The following NAA38 variants were observed in gnomAD, a reference collection of about 807,000 sequenced individuals.
NAA38 encodes the protein LSM domain containing 1.
A neutral mutation model predicts 12.6 loss-of-function variants in NAA38; 15 were observed. That is an observed-to-expected ratio of 1.19 (90% CI 0.79 to 1.83). NAA38 has a LOEUF of 1.83. Among genes scored for constraint, NAA38 ranks in the 40% most tolerant of loss-of-function variants. The probability of loss-of-function intolerance (pLI) is 0.00; values close to 1 mark genes in which losing one functional copy is unlikely to be tolerated. For missense variants in NAA38, 183 were observed against 171.7 expected (o/e 1.07, Z -0.37); for synonymous variants, 88 against 69.9 (o/e 1.26, Z -1.29).
At chr17:7,860,891 T>G (rs2078878059), upstream of NAA38, 1 of 151,998 alleles carries the variant, frequency 6.6e-6, no homozygotes, top group African/African-American at 2.4e-5. Flanking sequence ...GAAGGAAAAC[T>G]AGAGTGGGGA....
intron 3 of NAA38, chr17:7,863,880 G>A (rs1248814809): frequency 6.6e-6 from 1 of 152,136 alleles, no homozygotes; most frequent in Non-Finnish European, 1.5e-5. Context: ...CTCAGCCTGT[G>A]GCAGAACCAT....
upstream of NAA38, chr17:7,859,688 T>C: frequency 7.1e-7 from 1 of 1,407,088 alleles, no homozygotes; most frequent in Non-Finnish European, 1.0e-6. Context: ...GGAAAAGTGG[T>C]GGGGCCGAGG....
At chr17:7,884,860 G>GGAGGAGGAAGAA (rs748527163) in intron 1 of NAA38, 21 of 1,219,436 alleles carry the variant, frequency 1.7e-5, no homozygotes, top group Non-Finnish European at 2.2e-5. Context: ...TGGTGGTGTC[G>GGAGGAGGAAGAA]GAGGAGGAAG....
At chr17:7,863,297 T>C (rs1386813892) in intron 3 of NAA38, 2 of 152,180 alleles carry the variant, frequency 1.3e-5, no homozygotes, top group African/African-American at 4.8e-5. Context: ...AACATGAGTG[T>C]AGGGTCCAAG....
chr17:7,857,719 G>A (rs188467721), upstream of NAA38: 206 of 1,296,722 alleles, frequency 1.6e-4, 2 homozygotes, highest in African/African-American at 2.8e-3. Flanking sequence ...ACATCCTTTA[G>A]AAACTGGAAT....
chr17:7,875,540 G>T (rs867220972), intron 2 of NAA38, among the ~76,000 whole-genome samples: 26 of 152,130 alleles, frequency 1.7e-4, no homozygotes, highest in African/African-American at 6.3e-4. Context: ...TTGCTATGTT[G>T]CTCAGGCTGG....
upstream of NAA38, chr17:7,862,201 A>T (rs2078888207): frequency 6.6e-6 from 1 of 152,138 alleles, no homozygotes; most frequent in South Asian, 2.1e-4. Context: ...GAGGGCAGAG[A>T]TCTTGTTCAC....
rs374422158 is a variant in NAA38, at chr17:7,882,163, A to G, written c.-66+1072T>C. ...GATGAGTGTTTGTATAGGGATGCAC[A>G]CGGCCACCTTTAGCCACCCGCACCT... On this transcript the variant is annotated intron_variant, in intron 2 of 4. Coordinates refer to the NAA38 transcript ENST00000576861. Among the ~76,000 whole-genome samples the G allele has an allele frequency of 4.6e-5, 7 of 152,308 alleles. No individual in the cohort carries two copies. In the East Asian group the frequency reaches 9.7e-4, roughly 21 times the overall value.
At chr17:7,871,934 C>T (rs776849643) in intron 2 of NAA38, among the ~76,000 whole-genome samples, 19 of 152,302 alleles carry the variant, frequency 1.2e-4, no homozygotes, top group Non-Finnish European at 2.8e-4. Context: ...GGATGGCAGG[C>T]GTGAGCCACC....
upstream of NAA38, chr17:7,858,028 C>T (rs766513238): frequency 1.3e-5 from 20 of 1,536,582 alleles, no homozygotes; most frequent in Non-Finnish European, 1.7e-5. Context: ...AGCGGATAAA[C>T]GCTCTCCCCT....
At chr17:7,862,738 T>TAAAAAAAAA (rs566528489), upstream of NAA38, 1 of 101,672 alleles carries the variant, frequency 9.8e-6, no homozygotes. Context: ...AAACTCCATC[T>TAAAAAAAAA]AAAAAAAAAA....
In NAA38 at chr17:7,857,067, G is replaced by A. The variant is rs1333300292; in HGVS notation, c.213C>T (p.Asp71=). 1.9e-6 allele frequency: 3 copies of A among 1,613,372 alleles called. No homozygotes were observed. The African/African-American group carries it at 4.0e-5, about 22-fold the overall frequency. The change falls in exon 2 of 3, where the codon GAC becomes GAT. Residue 71 remains aspartate (D), a synonymous_variant. Transcript: ENST00000575771. ...AGCCCAGGATGACATTGCAGTCACG[G>A]TCAGTGCAGAGGAAGCAGCCGACCA... ...RTLVGCFLCT[D]RDCNVILGSA...
At chr17:7,863,966 C>T (rs1159255688) in intron 3 of NAA38, 1 of 152,214 alleles carries the variant, frequency 6.6e-6, no homozygotes, top group Non-Finnish European at 1.5e-5. Context: ...TGTTTTACTA[C>T]TGTACCAAAT....
chr17:7,869,588 C>G (rs1332860760), intron 2 of NAA38, among the ~76,000 whole-genome samples: 2 of 151,924 alleles, frequency 1.3e-5, no homozygotes, highest in Non-Finnish European at 2.9e-5. Flanking sequence ...ATGGTGAAAC[C>G]CTGTCTCTAC....
Position 7,857,377 on chromosome 17 carries a change from G to C in NAA38, c.81+6C>G. 1 of 1,612,288 alleles carries C rather than the reference G, an allele frequency of 6.2e-7. No homozygotes were observed. The highest frequency in any genetic ancestry group is 1.7e-4 in the Middle Eastern group (1 of 6,056). On this transcript the variant is annotated splice_donor_region_variant and intron_variant, in intron 1 of 2. Transcript: ENST00000575771. ...CCTCAGTCCCAGAACCAGAGCCCGT[G>C]CTAACCCCAGCACTGGAGCTGCTCT...
upstream of NAA38, chr17:7,859,059 G>A: frequency 1.8e-6 from 1 of 570,612 alleles, no homozygotes; most frequent in Non-Finnish European, 3.1e-6. Context: ...AGCAGTTCAT[G>A]TATCTTAGTG....
intron 1 of NAA38, among the ~76,000 whole-genome samples, chr17:7,884,078 A>ACAC (rs1204969214): frequency 6.6e-6 from 1 of 151,074 alleles, no homozygotes; most frequent in Non-Finnish European, 1.5e-5. Context: ...CCCAACACAC[A>ACAC]CACACACACA....
chr17:7,866,574 A>C, intron 2 of NAA38: 1 of 1,168,632 alleles, frequency 8.6e-7, no homozygotes, highest in Non-Finnish European at 1.1e-6. Context: ...ATGCCCCCCA[A>C]GCTTTGCATC....
chr17:7,858,726 T>C (rs755915238), upstream of NAA38: 5 of 1,608,586 alleles, frequency 3.1e-6, no homozygotes, highest in African/African-American at 2.7e-5. Context: ...TGGGAAGCCC[T>C]GGTGGCAGGG....
Sources: gnomAD v4.1 joint callset for allele counts (sites outside exome capture counted in the v4.1 genomes callset) on GRCh38, gnomAD v4.1.1 for gene constraint, MANE v1.5 for transcripts, NCBI Gene and HGNC (gene_info 2026-07-23, HGNC 2026-07-21) for gene names.